CMSS1: variants seen among roughly 807,000 people sequenced by gnomAD.
CMSS1 encodes protein CMSS1.
A neutral mutation model predicts 43.5 loss-of-function variants in CMSS1; 33 were observed. The observed-to-expected ratio is 0.76, with a 90% CI of 0.57 to 1.01. The LOEUF (loss-of-function observed/expected upper bound fraction) is 1.01, where lower values mean the gene tolerates loss of function less well. Among genes scored for constraint, CMSS1 ranks in the 50% least tolerant of loss-of-function variants. CMSS1 has a pLI of 0.00. For missense variants in CMSS1, 313 were observed against 326.4 expected, an observed-to-expected ratio of 0.96 and a Z score of 0.32; for synonymous variants, 115 against 117.2, an observed-to-expected ratio of 0.98 and a Z score of 0.12.
chr3:100,011,549 T>TA (rs757814435), intron 1 of CMSS1, among the ~76,000 whole-genome samples: 61 of 152,346 alleles, frequency 4.0e-4, no homozygotes, highest in Non-Finnish European at 7.2e-4. Flanking sequence ...TTTATATCTA[T>TA]AAAGCCTGTT....
At chr3:99,956,549 G>T (rs1170719566) in intron 1 of CMSS1, among the ~76,000 whole-genome samples, 1 of 152,106 alleles carries the variant, frequency 6.6e-6, no homozygotes, top group East Asian at 1.9e-4. Flanking sequence ...GTTTCACCAC[G>T]TTGGCCAGGC....
intron 1 of CMSS1, among the ~76,000 whole-genome samples, chr3:100,052,380 T>C (rs2065389094): frequency 6.6e-6 from 1 of 152,234 alleles, no homozygotes; most frequent in Non-Finnish European, 1.5e-5. Context: ...GGGGAACTTT[T>C]GTTCCAAGGT....
At chr3:100,047,535 G>T (rs1037015076) in intron 1 of CMSS1, among the ~76,000 whole-genome samples, 1 of 152,176 alleles carries the variant, frequency 6.6e-6, no homozygotes, top group African/African-American at 2.4e-5. Context: ...TACTGACTGC[G>T]AATGATTAAG....
chr3:99,849,747 T>A (rs1416189613), intron 1 of CMSS1: 2 of 1,613,838 alleles, frequency 1.2e-6, no homozygotes, highest in Non-Finnish European at 1.7e-6. Flanking sequence ...CCTCAATGGC[T>A]TTCATGTCCT....
At chr3:100,162,026 C>A (rs533118340) in intron 3 of CMSS1, among the ~76,000 whole-genome samples, 11 of 152,136 alleles carry the variant, frequency 7.2e-5, no homozygotes, top group Non-Finnish European at 1.0e-4. Context: ...GAAAATAATA[C>A]CCCAGTATGG....
chr3:99,988,251 A>G (rs1238439216), intron 1 of CMSS1, among the ~76,000 whole-genome samples: 1 of 150,770 alleles, frequency 6.6e-6, no homozygotes, highest in African/African-American at 2.4e-5. Flanking sequence ...TAATCCCAGC[A>G]CTTTGGGAGG....
intron 1 of CMSS1, among the ~76,000 whole-genome samples, chr3:100,094,877 A>G (rs1343623146): frequency 1.3e-5 from 2 of 150,868 alleles, no homozygotes; most frequent in Non-Finnish European, 3.0e-5. Flanking sequence ...TTTAGTAGAG[A>G]CGGGGTTTTA....
At chr3:100,117,825 G>GTGTGTA (rs1383115136) in intron 1 of CMSS1, among the ~76,000 whole-genome samples, 1 of 75,140 alleles carries the variant, frequency 1.3e-5, no homozygotes, top group African/African-American at 6.2e-5. Context: ...ATAAACTGCA[G>GTGTGTA]TATATATATA....
At chr3:100,049,630 C>A (rs1002366726) in intron 1 of CMSS1, among the ~76,000 whole-genome samples, 1 of 152,178 alleles carries the variant, frequency 6.6e-6, no homozygotes, top group Non-Finnish European at 1.5e-5. Context: ...TGAACTCTGT[C>A]GACTTCTGCC....
chr3:99,899,513 G>GT (rs1255194324), intron 1 of CMSS1, among the ~76,000 whole-genome samples: 8 of 152,236 alleles, frequency 5.3e-5, no homozygotes, highest in Non-Finnish European at 1.2e-4. Context: ...AAAGGATTTA[G>GT]TTTTTTTGTG....
At chr3:100,024,560 A>G (rs922374606) in intron 1 of CMSS1, among the ~76,000 whole-genome samples, 1 of 152,132 alleles carries the variant, frequency 6.6e-6, no homozygotes, top group Non-Finnish European at 1.5e-5. Flanking sequence ...GTTATATTTC[A>G]CCAGTTTACA....
At chr3:100,091,284 CAAAAAA>C (rs570908389) in intron 1 of CMSS1, among the ~76,000 whole-genome samples, 1 of 59,108 alleles carries the variant, frequency 1.7e-5, no homozygotes, top group Non-Finnish European at 3.6e-5. Context: ...GACTCCGTCT[CAAAAAA>C]AAAAAAAAAA....
At chr3:100,168,574 A>G (rs1327969674) in intron 6 of CMSS1, among the ~76,000 whole-genome samples, 1 of 152,066 alleles carries the variant, frequency 6.6e-6, no homozygotes, top group Non-Finnish European at 1.5e-5. Flanking sequence ...ACTTACCAAA[A>G]CTTATGTACA....
intron 1 of CMSS1, among the ~76,000 whole-genome samples, chr3:99,992,954 G>T (rs984740716): frequency 5.3e-5 from 8 of 151,974 alleles, no homozygotes; most frequent in African/African-American, 1.9e-4. Flanking sequence ...TGTTGACCTT[G>T]TCAAAGATCA....
At chr3:100,134,800 G>T (rs934553542) in intron 1 of CMSS1, among the ~76,000 whole-genome samples, 16 of 152,134 alleles carry the variant, frequency 1.1e-4, no homozygotes, top group Non-Finnish European at 2.4e-4. Flanking sequence ...ATGAAATTGG[G>T]CTCTACCCAT....
intron 1 of CMSS1, among the ~76,000 whole-genome samples, chr3:99,887,275 A>C (rs910017283): frequency 1.1e-4 from 16 of 152,194 alleles, no homozygotes; most frequent in African/African-American, 3.9e-4. Context: ...CTCAAAAAAA[A>C]AAAAAGTATC....
At chr3:99,920,875 G>A (rs1295602298) in intron 1 of CMSS1, among the ~76,000 whole-genome samples, 2 of 152,154 alleles carry the variant, frequency 1.3e-5, no homozygotes, top group Non-Finnish European at 1.5e-5. Context: ...CAATCACGTA[G>A]TTCTTAATTT....
At chr3:99,874,855 T>C (rs1167066697) in intron 1 of CMSS1, among the ~76,000 whole-genome samples, 2 of 152,230 alleles carry the variant, frequency 1.3e-5, no homozygotes. Context: ...TCAGTGGTTA[T>C]AGTGCTCTGC....
intron 1 of CMSS1, among the ~76,000 whole-genome samples, chr3:100,024,374 C>T (rs1240417525): frequency 2.0e-5 from 3 of 151,998 alleles, no homozygotes; most frequent in Admixed American, 6.6e-5. Context: ...AAATTTTGGC[C>T]CCTATAGAGC....
Sources: allele counts gnomAD v4.1 joint callset (sites outside exome capture counted in the v4.1 genomes callset), GRCh38; gene constraint gnomAD v4.1.1; transcripts MANE v1.5; gene names NCBI Gene and HGNC (gene_info 2026-07-23, HGNC 2026-07-21).